The following LRRC8C variants were observed in gnomAD, a reference collection of about 807,000 sequenced individuals.
LRRC8C encodes volume-regulated anion channel subunit LRRC8C.
LRRC8C carries 20 observed loss-of-function variants against 55.3 expected under a neutral mutation model. The observed-to-expected ratio is 0.36, with a 90% CI of 0.25 to 0.53. The LOEUF is 0.53. Among genes scored for constraint, LRRC8C ranks in the 20% least tolerant of loss-of-function variants. LRRC8C has a pLI of 0.92. For synonymous variants in LRRC8C, 376 were observed against 360.7 expected (o/e 1.04, Z -0.48); for missense variants, 659 against 951.4 (o/e 0.69, Z 4.04).
intron 1 of LRRC8C, among the ~76,000 whole-genome samples, chr1:89,685,354 A>G (rs1232474247): frequency 6.7e-6 from 1 of 150,220 alleles, no homozygotes; most frequent in African/African-American, 2.5e-5. Context: ...TGACCTCATG[A>G]TCCACCCGCC....
chr1:89,677,981 C>G (rs1438786467), intron 1 of LRRC8C, among the ~76,000 whole-genome samples: 1 of 152,152 alleles, frequency 6.6e-6, no homozygotes, highest in African/African-American at 2.4e-5. Context: ...TGTTTTACAA[C>G]TGATGTTTTC....
chr1:89,657,815 C>G (rs2101207100), intron 1 of LRRC8C, among the ~76,000 whole-genome samples: 1 of 150,884 alleles, frequency 6.6e-6, no homozygotes, highest in African/African-American at 2.4e-5. Flanking sequence ...TTCAGGGGAC[C>G]TATTCTTCAA....
At chr1:89,659,061 T>TTTTGTGTGTG (rs1294718324) in intron 1 of LRRC8C, among the ~76,000 whole-genome samples, 1 of 53,982 alleles carries the variant, frequency 1.9e-5, no homozygotes, top group African/African-American at 6.3e-5. Flanking sequence ...TTTTTTTTTT[T>TTTTGTGTGTG]TGTGTGTGTG....
chr1:89,633,880 C>T (rs1472216252), intron 1 of LRRC8C, among the ~76,000 whole-genome samples: 1 of 152,182 alleles, frequency 6.6e-6, no homozygotes, highest in Non-Finnish European at 1.5e-5. Flanking sequence ...ATCGGGCGGG[C>T]CCCAGAAGCC....
chr1:89,616,007 C>G, the LRRC8C span, among the ~76,000 whole-genome samples: 1 of 152,050 alleles, frequency 6.6e-6, no homozygotes, highest in African/African-American at 2.4e-5. Flanking sequence ...AGGTACCAGT[C>G]CACAGACTGT....
intron 1 of LRRC8C, among the ~76,000 whole-genome samples, chr1:89,665,394 G>A (rs1040547865): frequency 2.6e-5 from 4 of 152,104 alleles, no homozygotes; most frequent in Non-Finnish European, 5.9e-5. Flanking sequence ...TAATCATGTG[G>A]TTTTTGTCAT....
intron 1 of LRRC8C, among the ~76,000 whole-genome samples, chr1:89,643,940 G>A (rs7523046): frequency 0.61 from 92,006 of 152,060 alleles, 28,544 homozygotes; most frequent in East Asian, 0.79. Flanking sequence ...ATAATCAGAG[G>A]TGTTTAAGTT....
intron 1 of LRRC8C, among the ~76,000 whole-genome samples, chr1:89,658,835 C>A (rs558121033): frequency 6.6e-5 from 10 of 151,640 alleles, no homozygotes; most frequent in Non-Finnish European, 1.3e-4. Flanking sequence ...TGTTTAAATT[C>A]TTTAAAGTTT....
rs1658864603 is a variant in LRRC8C, at chr1:89,717,606, T to C, written c.*2624T>C. 1 of 152,156 alleles carries C rather than the reference T, an allele frequency of 6.6e-6. No homozygotes were observed. Among genetic ancestry groups the C allele is most frequent in the Non-Finnish European group, 1.5e-5 (1 of 68,020 alleles). The allele number at this position is 152,156 out of a possible 1,614,324, so 9.4% of individuals were successfully genotyped here. ...AAACCTTCAAAAGTCTGAAACTTAATTTTGAGTCTAAATTTTCTGACACTG... is the reference window on the plus strand; with the variant it reads ...AAACCTTCAAAAGTCTGAAACTTAACTTTGAGTCTAAATTTTCTGACACTG... On this transcript the variant is annotated 3_prime_UTR_variant, in exon 3 of 3. Transcript: ENST00000370454.
chr1:89,630,373 C>T (rs1350920166), upstream of LRRC8C, among the ~76,000 whole-genome samples: 1 of 152,142 alleles, frequency 6.6e-6, no homozygotes, highest in African/African-American at 2.4e-5. Context: ...TAAGCCCAGA[C>T]CTATTTCATT....
chr1:89,691,537 C>G (rs989663606), intron 2 of LRRC8C, among the ~76,000 whole-genome samples: 1 of 152,188 alleles, frequency 6.6e-6, no homozygotes, highest in African/African-American at 2.4e-5. Context: ...AATAGCACAT[C>G]CATGGAGTAA....
rs369872219 is a variant in LRRC8C, at chr1:89,658,070, T to C, written c.-5+24748T>C. ...CCTTGTGCCACATCCAAGAGCAGAA[T>C]AGGTTCTTTATATAAGGAAACCACA... On this transcript the variant is annotated intron_variant, in intron 1 of 2. Transcript: ENST00000370454. Among the ~76,000 whole-genome samples, 18 of 152,290 alleles carry C rather than the reference T, an allele frequency of 1.2e-4. No homozygotes were observed. In the East Asian group the frequency reaches 2.9e-3, roughly 24 times the overall value.
intron 2 of LRRC8C, among the ~76,000 whole-genome samples, chr1:89,691,600 G>A (rs535883837): frequency 2.0e-5 from 3 of 152,306 alleles, no homozygotes; most frequent in Non-Finnish European, 4.4e-5. Flanking sequence ...TTAGTTCCCA[G>A]AACAAACCTG....
rs1416937451 is a variant in LRRC8C at position 89,652,308 on chromosome 1, A to C, written c.-5+18986A>C. On this transcript the variant is annotated intron_variant, in intron 1 of 2. Coordinates refer to ENST00000370454, the MANE Select transcript of LRRC8C (RefSeq NM_032270.5). ...TGCTGCTAAGATGGGGTCCAGGAAA[A>C]AGTTAGTAATTATTTCCAGGGGTAT... is the stretch of plus-strand genomic sequence containing the variant. Among the ~76,000 whole-genome samples the C allele has an allele frequency of 3.3e-5, 5 of 152,188 alleles. No individual in the cohort carries two copies. In the East Asian group the frequency reaches 9.6e-4, roughly 29 times the overall value.
At chr1:89,621,657 G>C in the LRRC8C span, among the ~76,000 whole-genome samples, 2 of 152,204 alleles carry the variant, frequency 1.3e-5, no homozygotes, top group South Asian at 4.1e-4. Context: ...TTTGGGGCTG[G>C]CAGTAATAGT....
chr1:89,711,050 T>C (rs1658635284), intron 2 of LRRC8C, among the ~76,000 whole-genome samples: 3 of 152,230 alleles, frequency 2.0e-5, no homozygotes, highest in African/African-American at 7.2e-5. Flanking sequence ...GTCAGCTGCA[T>C]ATTAAGCATA....
At chr1:89,683,323 C>T (rs1226144858) in intron 1 of LRRC8C, among the ~76,000 whole-genome samples, 4 of 151,408 alleles carry the variant, frequency 2.6e-5, no homozygotes, top group Admixed American at 6.6e-5. Context: ...CAAAATCATG[C>T]ATGTGTAAAA....
In LRRC8C at chr1:89,719,134, A is replaced by AT. The variant is rs933374444; in HGVS notation, c.*4159dup. On this transcript the variant is annotated 3_prime_UTR_variant, in exon 3 of 3. Transcript: ENST00000370454. ...GGAGGATCTCCCCCTGCCCAAAGGA[A>AT]TTTTTTTATCAGAATACCTTGAAAG... 4 of 152,114 alleles carry AT rather than the reference A, an allele frequency of 2.6e-5. No homozygotes were observed. Among genetic ancestry groups the AT allele is most frequent in the African/African-American group, 4.8e-5 (2 of 41,418 alleles). The allele number at this position is 152,114 out of a possible 1,614,324, so 9.4% of individuals were successfully genotyped here. A position where few individuals can be genotyped will look rare whatever the true frequency, so the allele number is the denominator to read the frequency against.
upstream of LRRC8C, chr1:89,629,834 G>A (rs1039570489): frequency 6.6e-6 from 1 of 152,226 alleles, no homozygotes; most frequent in African/African-American, 2.4e-5. Context: ...CCTAGAACCT[G>A]TGGAGGCTTC....
Sources: gnomAD v4.1 joint callset for allele counts (sites outside exome capture counted in the v4.1 genomes callset) on GRCh38, gnomAD v4.1.1 for gene constraint, MANE v1.5 for transcripts, NCBI Gene and HGNC (gene_info 2026-07-23, HGNC 2026-07-21) for gene names.